The following PDE8B variants were observed in gnomAD, a reference collection of about 807,000 sequenced individuals.
PDE8B encodes phosphodiesterase 8B.
PDE8B carries 26 observed loss-of-function variants against 101.3 expected under a neutral mutation model. That is an observed-to-expected ratio of 0.26 (90% CI 0.19 to 0.36). PDE8B has a LOEUF of 0.36. PDE8B is among the 10% of genes least tolerant of loss of function. PDE8B has a pLI of 1.00. For missense variants in PDE8B, 810 were observed against 1,163.1 expected (o/e 0.70, Z 4.42); for synonymous variants, 424 against 429.3 (o/e 0.99, Z 0.15).
In PDE8B at chr5:77,211,032, C is replaced by A; in HGVS notation, c.107C>A (p.Pro36Gln). 1 of 1,542,214 alleles carries A rather than the reference C, an allele frequency of 6.5e-7. No homozygotes were observed. Among genetic ancestry groups the A allele is most frequent in the East Asian group, 2.6e-5 (1 of 38,942 alleles). Residue 36 changes from proline to glutamine, a missense_variant, in exon 1 of 22, where the codon CCG (proline) becomes CAG (glutamine). By Grantham distance (76) the Pro-to-Gln change is moderately conservative. This residue lies in a region of PDE8B where 159 missense variants were observed against 146.6 expected (regional missense o/e 1.08). Transcript: ENST00000264917. The surrounding 1 kb of genome is among the most constrained non-coding windows in gnomAD (Gnocchi z 4.1). ...PRQTTSVSQG[P>Q]AAPLPGLFVQ... is the part of the protein sequence containing the mutation. ...CAGACCACCAGCGTGTCGCAGGGCC[C>A]GGCGGCACCCCTGCCCGGCCTCTTC... is the stretch of plus-strand genomic sequence containing the variant.
intron 17 of PDE8B, among the ~76,000 whole-genome samples, chr5:77,415,592 C>A (rs1395413984): frequency 2.0e-5 from 3 of 152,054 alleles, no homozygotes; most frequent in Non-Finnish European, 4.4e-5. Flanking sequence ...CTCCTGACCT[C>A]AGATAATCCA....
At position 77,425,753 on chromosome 5, in the gene PDE8B, G is replaced by C; in HGVS notation, c.2419-14G>C. On this transcript the variant is annotated splice_polypyrimidine_tract_variant and intron_variant, in intron 20 of 21. Transcript: ENST00000264917. Reference sequence around the variant, plus strand: ...GCATGTCCTCCAGCCCTATGTGGTGGTTTTTTCTTACAGACTGATGAAGAG... The same window carrying C: ...GCATGTCCTCCAGCCCTATGTGGTGCTTTTTTCTTACAGACTGATGAAGAG... 6.2e-7 allele frequency: 1 copy of C among 1,613,648 alleles called. No homozygotes were observed. Among genetic ancestry groups the C allele is most frequent in the Non-Finnish European group, 8.5e-7 (1 of 1,179,578 alleles).
chr5:77,126,652 C>T, the PDE8B span, among the ~76,000 whole-genome samples: 91 of 152,180 alleles, frequency 6.0e-4, no homozygotes, highest in East Asian at 0.016. Flanking sequence ...CTCCTGAGCT[C>T]GAGCAATCCT....
At chr5:77,103,429 A>C in the PDE8B span, among the ~76,000 whole-genome samples, 5 of 152,206 alleles carry the variant, frequency 3.3e-5, no homozygotes, top group Admixed American at 3.3e-4. Context: ...CTCAATTCGG[A>C]TATGACACAG....
At chr5:77,421,379 C>G (rs993982669) in intron 19 of PDE8B, among the ~76,000 whole-genome samples, 1 of 152,122 alleles carries the variant, frequency 6.6e-6, no homozygotes, top group African/African-American at 2.4e-5. Flanking sequence ...TGAAGGGTTA[C>G]ATGTATGTGC....
At chr5:77,406,062 G>A (rs1299000943) in intron 12 of PDE8B, among the ~76,000 whole-genome samples, 1 of 152,094 alleles carries the variant, frequency 6.6e-6, no homozygotes, top group Non-Finnish European at 1.5e-5. Flanking sequence ...TGAGGCAGGC[G>A]GATCACCTGA....
At chr5:77,210,304 AG>A, upstream of PDE8B, 1 of 150,822 alleles carries the variant, frequency 6.6e-6, no homozygotes, top group Non-Finnish European at 1.5e-5. The surrounding 1 kb of genome is among the most constrained non-coding windows in gnomAD (Gnocchi z 4.9). Flanking sequence ...TGCCGCGCAC[AG>A]GGGCCCCGCG....
chr5:77,091,318 A>G, the PDE8B span, among the ~76,000 whole-genome samples: 1 of 152,226 alleles, frequency 6.6e-6, no homozygotes, highest in Non-Finnish European at 1.5e-5. Flanking sequence ...AATATTTCGT[A>G]TCAATAAAAA....
At chr5:77,149,033 A>AT in the PDE8B span, among the ~76,000 whole-genome samples, 1 of 152,046 alleles carries the variant, frequency 6.6e-6, no homozygotes, top group Admixed American at 6.6e-5. Flanking sequence ...TTTTTAATTC[A>AT]TTTTTTGCAT....
At chr5:77,137,978 A>G in the PDE8B span, among the ~76,000 whole-genome samples, 1 of 152,172 alleles carries the variant, frequency 6.6e-6, no homozygotes, top group African/African-American at 2.4e-5. Flanking sequence ...GGTAGCTGGA[A>G]AGACCCTTTC....
chr5:77,386,159 C>T (rs536542173), intron 10 of PDE8B, among the ~76,000 whole-genome samples: 1 of 152,244 alleles, frequency 6.6e-6, no homozygotes, highest in South Asian at 2.1e-4. Flanking sequence ...TTTTGATTTC[C>T]ATTCTTTTGC....
intron 3 of PDE8B, 140 bp downstream of exon 3, chr5:77,325,869 T>C: frequency 1.5e-6 from 1 of 678,152 alleles, no homozygotes; most frequent in Non-Finnish European, 2.6e-6. Context: ...CAGATGTCTG[T>C]GGTGAAAGCT....
the PDE8B span, among the ~76,000 whole-genome samples, chr5:77,190,041 A>G: frequency 6.6e-6 from 1 of 152,220 alleles, no homozygotes; most frequent in South Asian, 2.1e-4. Context: ...GGCCCCTTCT[A>G]GCACTAACAC....
chr5:77,242,798 C>T (rs1008101047), intron 1 of PDE8B, among the ~76,000 whole-genome samples: 2 of 152,108 alleles, frequency 1.3e-5, no homozygotes, highest in African/African-American at 4.8e-5. Context: ...CAGCCTGTAG[C>T]TGCGACTACA....
chr5:77,323,127 G>T (rs1394924275), intron 2 of PDE8B, among the ~76,000 whole-genome samples: 2 of 152,176 alleles, frequency 1.3e-5, no homozygotes, highest in Non-Finnish European at 2.9e-5. Flanking sequence ...CCAAGTAAAA[G>T]GTTATTGACT....
intron 10 of PDE8B, among the ~76,000 whole-genome samples, chr5:77,398,921 A>G (rs1791661499): frequency 6.6e-6 from 1 of 152,216 alleles, no homozygotes; most frequent in Non-Finnish European, 1.5e-5. Context: ...AGGCCTGTGC[A>G]CACCTACCCC....
chr5:77,100,805 C>A, the PDE8B span, among the ~76,000 whole-genome samples: 2 of 151,986 alleles, frequency 1.3e-5, no homozygotes, highest in Admixed American at 1.3e-4. Flanking sequence ...TGTGACCTGA[C>A]CCTGGTGTTC....
chr5:77,163,683 G>A, the PDE8B span, among the ~76,000 whole-genome samples: 4 of 152,166 alleles, frequency 2.6e-5, no homozygotes, highest in African/African-American at 9.7e-5. Flanking sequence ...TGCAAAAGCT[G>A]GCCACTCTCC....
chr5:77,198,171 AT>A, the PDE8B span, among the ~76,000 whole-genome samples: 1 of 151,948 alleles, frequency 6.6e-6, no homozygotes, highest in Non-Finnish European at 1.5e-5. Flanking sequence ...GGTCTGCAGT[AT>A]TTTCTCTAGG....
Sources: gnomAD v4.1 joint callset for allele counts (sites outside exome capture counted in the v4.1 genomes callset) on GRCh38, gnomAD v4.1.1 for gene constraint, gnomAD v4.1.1 regional missense constraint, Gnocchi (gnomAD v3.1) non-coding constraint, MANE v1.5 for transcripts, NCBI Gene and HGNC (gene_info 2026-07-23, HGNC 2026-07-21) for gene names.